The following SERPINB6 variants were observed in gnomAD, a reference collection of about 807,000 sequenced individuals.
SERPINB6 encodes the protein serpin family B member 6.
SERPINB6 carries 16 observed loss-of-function variants against 26.1 expected under a neutral mutation model. The observed-to-expected ratio is 0.61, with a 90% CI of 0.42 to 0.93. SERPINB6 has a LOEUF of 0.93. Among genes scored for constraint, SERPINB6 ranks in the 40% least tolerant of loss-of-function variants. The pLI is 0.00. For synonymous variants in SERPINB6, 174 were observed against 176.6 expected, an observed-to-expected ratio of 0.99 and a Z score of 0.11; for missense variants, 420 against 478.0, an observed-to-expected ratio of 0.88 and a Z score of 1.13.
chr6:2,971,312 C>T, intron 1 of SERPINB6: 1 of 429,282 alleles, frequency 2.3e-6, no homozygotes, highest in Non-Finnish European at 3.1e-6. Flanking sequence ...GGACGCTCGC[C>T]CGGGCCCCCG....
intron 1 of SERPINB6, chr6:2,971,141 G>A: frequency 2.0e-6 from 2 of 1,025,060 alleles, no homozygotes; most frequent in Non-Finnish European, 2.3e-6. Context: ...GCTCTGCGCC[G>A]CCCCCATCCC....
intron 4 of SERPINB6, 61 bp downstream of exon 4, chr6:2,954,531 G>T: frequency 1.6e-6 from 2 of 1,261,116 alleles, no homozygotes; most frequent in Admixed American, 3.4e-5. Flanking sequence ...TCTTGTGAAG[G>T]AACTGACAAT....
chr6:2,971,659 A>G (rs7769922), upstream of SERPINB6: 108,536 of 151,872 alleles, frequency 0.71, 39,257 homozygotes, highest in East Asian at 0.94. Flanking sequence ...CCGGAGCGCG[A>G]AGGGAGAGGC....
chr6:2,965,820 C>T (rs926351727), intron 1 of SERPINB6, among the ~76,000 whole-genome samples: 1 of 152,132 alleles, frequency 6.6e-6, no homozygotes, highest in African/African-American at 2.4e-5. Context: ...GGGTTAAATC[C>T]TAAGGGATCA....
At chr6:2,955,383 A>G in intron 3 of SERPINB6, 141 bp downstream of exon 3, 1 of 943,242 alleles carries the variant, frequency 1.1e-6, no homozygotes, top group Non-Finnish European at 1.7e-6. Context: ...AGAATTTAAA[A>G]CATATTGGCA....
intron 5 of SERPINB6, 104 bp from the exon 6 acceptor site, chr6:2,949,173 G>A: frequency 2.3e-6 from 3 of 1,300,654 alleles, no homozygotes; most frequent in South Asian, 1.3e-5. Context: ...ACGCAGCTCG[G>A]TTTCTCCCCA....
chr6:2,970,897 C>A (rs1476109822), intron 1 of SERPINB6: 2 of 1,230,336 alleles, frequency 1.6e-6, no homozygotes, highest in Non-Finnish European at 2.0e-6. Context: ...CTCCACAGGT[C>A]TGGGCGACCT....
intron 2 of SERPINB6, chr6:2,956,076 A>G (rs1181324033): frequency 5.7e-6 from 1 of 176,244 alleles, no homozygotes; most frequent in Admixed American, 5.8e-5. Context: ...CTCCGTCTCA[A>G]AAAAAAAAAA....
At chr6:2,966,318 G>C (rs1479715690) in intron 1 of SERPINB6, 1 of 951,950 alleles carries the variant, frequency 1.1e-6, no homozygotes, top group Non-Finnish European at 1.2e-6. Context: ...ATTTCAATTT[G>C]CTGATGTTTT....
Position 2,950,308 on chromosome 6 carries a change from G to A in SERPINB6, c.574-1239C>T, listed in dbSNP as rs909094842. On this transcript the variant is annotated intron_variant, in intron 5 of 6. Transcript: ENST00000380539. ...ACCATTTTGGGAGGCTGAGGCAGAC[G>A]GATCACCTGAGGTCAGGAAATCGAG... Among the ~76,000 whole-genome samples the A allele has an allele frequency of 7.2e-5, 11 of 152,166 alleles. No individual in the cohort carries two copies. In the East Asian group the frequency reaches 9.7e-4, roughly 13 times the overall value.
At chr6:2,965,551 C>T (rs1357785228) in intron 1 of SERPINB6, among the ~76,000 whole-genome samples, 1 of 152,108 alleles carries the variant, frequency 6.6e-6, no homozygotes, top group Non-Finnish European at 1.5e-5. Context: ...ACAAATTGCA[C>T]AAACCTTAGT....
At position 2,967,165 on chromosome 6, in the gene SERPINB6, ACTC is replaced by A; in HGVS notation, c.-11+4365_-11+4367del. On this transcript the variant is annotated intron_variant, in intron 1 of 6. Coordinates refer to ENST00000380539, the MANE Select transcript of SERPINB6 (RefSeq NM_004568.6). The surrounding 1 kb of genome is among the most constrained non-coding windows in gnomAD (Gnocchi z 4.3). ...CCAGTGCAGAGCTCCAGCCACCCAGACTCCTCGAGTTGGAGGGATCTGTTAACC... is the reference window on the plus strand; with the variant it reads ...CCAGTGCAGAGCTCCAGCCACCCAGACTCGAGTTGGAGGGATCTGTTAACC... 2.0e-6 allele frequency: 2 copies of A among 985,250 alleles called. No individual in the cohort carries two copies. The highest frequency in any genetic ancestry group is 2.4e-6 in the Non-Finnish European group (2 of 829,918). 61.0% of individuals were successfully genotyped at this position (985,250 alleles called of 1,614,324 possible).
At chr6:2,952,179 GA>G (rs1314481155) in intron 5 of SERPINB6, among the ~76,000 whole-genome samples, 1 of 152,132 alleles carries the variant, frequency 6.6e-6, no homozygotes, top group Non-Finnish European at 1.5e-5. Flanking sequence ...TTTGCCAGGG[GA>G]AAATAGCACA....
chr6:2,955,563 G>A lies in SERPINB6; in HGVS notation c.273C>T (p.Ala91=), dbSNP rs772442196. Residue 91 remains alanine (A), a synonymous_variant, in exon 3 of 7, where the codon GCC becomes GCT. Transcript: ENST00000380539. ...KTGTQYLLRM[A]NRLFGEKSCD... ...AAGACTTTTCCCCAAAGAGCCTGTT[G>A]GCCATCCTAAGCAAGTACTGCGTGC... 1 of 1,614,206 alleles carries A rather than the reference G, an allele frequency of 6.2e-7. No individual in the cohort carries two copies. The highest frequency in any genetic ancestry group is 8.5e-7 in the Non-Finnish European group (1 of 1,180,030).
At chr6:2,958,297 CT>C (rs1770710947) in intron 2 of SERPINB6, 1 of 152,304 alleles carries the variant, frequency 6.6e-6, no homozygotes, top group Non-Finnish European at 1.5e-5. Flanking sequence ...GGATCTCAGG[CT>C]CCCAGGGAAC....
chr6:2,968,985 C>A, intron 1 of SERPINB6: 1 of 1,218,392 alleles, frequency 8.2e-7, no homozygotes. Context: ...CCTCACGTCC[C>A]CACTGCCTCC....
At position 2,967,046 on chromosome 6, in the gene SERPINB6, A is replaced by G; in HGVS notation, c.-11+4487T>C. 1.0e-6 allele frequency: 1 copy of G among 985,224 alleles called. No individual in the cohort carries two copies. Among genetic ancestry groups the G allele is most frequent in the Non-Finnish European group, 1.2e-6 (1 of 829,756 alleles). The allele number at this position is 985,224 out of a possible 1,614,324, so 61.0% of individuals were successfully genotyped here. On this transcript the variant is annotated intron_variant, in intron 1 of 6. Transcript: ENST00000380539. The surrounding 1 kb of genome is among the most constrained non-coding windows in gnomAD (Gnocchi z 4.3). ...AGTACAAAACTCTTAGACTGATATCATCTGGGACTTCTCACCTTTCTCCAG... is the reference window on the plus strand; with the variant it reads ...AGTACAAAACTCTTAGACTGATATCGTCTGGGACTTCTCACCTTTCTCCAG...
At chr6:2,970,834 G>C in intron 1 of SERPINB6, 7 of 1,230,574 alleles carry the variant, frequency 5.7e-6, no homozygotes, top group South Asian at 4.1e-5. Context: ...CCTGTAGGGA[G>C]TTTAATTCAA....
intron 1 of SERPINB6, chr6:2,969,921 G>A (rs1361344327): frequency 1.3e-6 from 1 of 749,752 alleles, no homozygotes; most frequent in Non-Finnish European, 1.6e-6. Flanking sequence ...CAGATCACGA[G>A]GTCAGGAGTT....
Sources: gnomAD v4.1 joint callset for allele counts (sites outside exome capture counted in the v4.1 genomes callset) on GRCh38, gnomAD v4.1.1 for gene constraint, Gnocchi (gnomAD v3.1) non-coding constraint, MANE v1.5 for transcripts, NCBI Gene and HGNC (gene_info 2026-07-23, HGNC 2026-07-21) for gene names.